PPP4R4: variants seen among roughly 807,000 people sequenced by gnomAD.
PPP4R4 encodes the protein protein phosphatase 4 regulatory subunit 4.
PPP4R4 carries 70 observed loss-of-function variants against 121.8 expected under a neutral mutation model. That is an observed-to-expected ratio of 0.57 (90% confidence interval 0.47 to 0.70). PPP4R4 has a LOEUF of 0.70. Among genes scored for constraint, PPP4R4 ranks in the 30% least tolerant of loss-of-function variants. The pLI is 0.00. For missense variants in PPP4R4, 875 were observed against 1,033.6 expected (o/e 0.85, Z 2.10); for synonymous variants, 348 against 355.7 (o/e 0.98, Z 0.24).
At chr14:94,203,914 A>G (rs887199404) in intron 2 of PPP4R4, among the ~76,000 whole-genome samples, 72 of 152,024 alleles carry the variant, frequency 4.7e-4, no homozygotes, top group African/African-American at 1.7e-3. Flanking sequence ...GAGTTTTGAG[A>G]GTTCTTTATA....
At chr14:94,238,123 C>T (rs566448765) in intron 8 of PPP4R4, among the ~76,000 whole-genome samples, 4 of 152,318 alleles carry the variant, frequency 2.6e-5, no homozygotes, top group African/African-American at 4.8e-5. Flanking sequence ...CCCAGTCCCA[C>T]GAGAGCTAAC....
chr14:94,277,965 T>A (rs1053547152), intron 24 of PPP4R4, among the ~76,000 whole-genome samples: 1 of 152,190 alleles, frequency 6.6e-6, no homozygotes, highest in Non-Finnish European at 1.5e-5. Context: ...CCATCTGATG[T>A]GGCACTTATA....
chr14:94,220,424 A>G (rs1891321556), intron 3 of PPP4R4, among the ~76,000 whole-genome samples: 1 of 152,190 alleles, frequency 6.6e-6, no homozygotes, highest in African/African-American at 2.4e-5. Context: ...CAACAAAAAG[A>G]AAAAGCATTC....
chr14:94,245,530 T>C, intron 12 of PPP4R4, 57 bp from the exon 13 acceptor site: 4 of 913,156 alleles, frequency 4.4e-6, no homozygotes, highest in Middle Eastern at 3.4e-4. Flanking sequence ...ACATGTAGAA[T>C]TAATCTAGCA....
Position 94,250,209 on chromosome 14 carries a change from T to C in PPP4R4, c.1649T>C (p.Leu550Pro). Residue 550 changes from leucine to proline, a missense_variant, in exon 15 of 25, where the codon CTA becomes CCA. Physicochemically the swap from Leu to Pro is moderately conservative, Grantham distance 98. Transcript: ENST00000304338. ...GTCCAAAAGGCGGCTTCACGAACTC[T>C]ATGCATTTTTCTGCGTTATAATCGT... ...LPVQKAASRT[L>P]CIFLRYNRKQ... is the part of the protein sequence containing the mutation. 6.2e-7 allele frequency: 1 copy of C among 1,612,686 alleles called. No homozygotes were observed. Among genetic ancestry groups the C allele is most frequent in the Non-Finnish European group, 8.5e-7 (1 of 1,178,956 alleles).
At chr14:94,226,130 T>C (rs1891683937) in intron 3 of PPP4R4, among the ~76,000 whole-genome samples, 1 of 152,194 alleles carries the variant, frequency 6.6e-6, no homozygotes, top group Non-Finnish European at 1.5e-5. Context: ...TTCTAATTTA[T>C]TACGTTTAAA....
chr14:94,235,163 T>G (rs1281672668), intron 7 of PPP4R4, among the ~76,000 whole-genome samples: 1 of 152,146 alleles, frequency 6.6e-6, no homozygotes, highest in Non-Finnish European at 1.5e-5. Flanking sequence ...ATAAATGCTA[T>G]GTAAATAGTT....
At chr14:94,223,209 T>G (rs1305506796) in intron 3 of PPP4R4, among the ~76,000 whole-genome samples, 1 of 152,250 alleles carries the variant, frequency 6.6e-6, no homozygotes, top group African/African-American at 2.4e-5. Flanking sequence ...GTATTGTTTC[T>G]GCTTATTATC....
chr14:94,272,876 G>A (rs1894411486), intron 23 of PPP4R4, among the ~76,000 whole-genome samples: 1 of 152,066 alleles, frequency 6.6e-6, no homozygotes, highest in Non-Finnish European at 1.5e-5. Flanking sequence ...TATATAGATG[G>A]AAAACAAGCA....
At chr14:94,227,331 CAT>C (rs761281912) in intron 3 of PPP4R4, 1 of 1,612,572 alleles carries the variant, frequency 6.2e-7, no homozygotes, top group South Asian at 1.1e-5. Context: ...ATGGATCTCA[CAT>C]ATGTTTGTCC....
chr14:94,191,875 G>T (rs1213633387), intron 2 of PPP4R4, among the ~76,000 whole-genome samples: 3 of 152,112 alleles, frequency 2.0e-5, no homozygotes, highest in Non-Finnish European at 4.4e-5. Context: ...CAGTTCTTAT[G>T]ATGGGACTAT....
intron 10 of PPP4R4, 117 bp from the exon 11 acceptor site, chr14:94,242,172 A>C: frequency 7.6e-7 from 1 of 1,319,434 alleles, no homozygotes; most frequent in Middle Eastern, 1.9e-4. Flanking sequence ...TATGATTTTT[A>C]GTTAAATTAC....
At chr14:94,183,360 A>G (rs551031988) in intron 2 of PPP4R4, among the ~76,000 whole-genome samples, 26 of 152,328 alleles carry the variant, frequency 1.7e-4, no homozygotes, top group African/African-American at 6.0e-4. Flanking sequence ...TTTTTAGGAC[A>G]GAGGGATCAC....
intron 24 of PPP4R4, among the ~76,000 whole-genome samples, chr14:94,278,077 T>C (rs1188628330): frequency 1.3e-5 from 2 of 152,180 alleles, no homozygotes; most frequent in African/African-American, 4.8e-5. Context: ...AAACAGGCCA[T>C]ATCCAAGTGA....
chr14:94,208,630 G>A (rs1890586475), intron 3 of PPP4R4, 64 bp downstream of exon 3: 5 of 1,352,298 alleles, frequency 3.7e-6, no homozygotes, highest in Non-Finnish European at 5.2e-6. Flanking sequence ...TGTCATTGTT[G>A]AAAGGATTTT....
chr14:94,214,529 A>G (rs1890919565), intron 3 of PPP4R4, among the ~76,000 whole-genome samples: 1 of 151,600 alleles, frequency 6.6e-6, no homozygotes, highest in Non-Finnish European at 1.5e-5. Context: ...CAGAAAAAAA[A>G]AGAAAGAAAT....
chr14:94,240,810 A>T lies in PPP4R4; in HGVS notation c.976+15A>T. The T allele has an allele frequency of 6.7e-7, 1 of 1,492,784 alleles. No individual in the cohort carries two copies. The allele number at this position is 1,492,784 out of a possible 1,614,324, so 92.5% of individuals were successfully genotyped here. ...TGGACTATATGGTATGATATATCCT[A>T]AGAATTTTGAGACTGTAGATAATTT... On this transcript the variant is annotated intron_variant, in intron 9 of 24. Transcript: ENST00000304338.
rs749988831 is a variant in PPP4R4, at chr14:94,259,275, T to C, written c.2053-20T>C. ...AACTCATCACTAATGTTTCACAATT[T>C]CATTTTAAACTTTAAACAGTTTCAG... is the stretch of plus-strand genomic sequence containing the variant. On this transcript the variant is annotated intron_variant, in intron 18 of 24. Coordinates refer to ENST00000304338, the MANE Select transcript of PPP4R4 (RefSeq NM_058237.2). 1.3e-6 allele frequency: 2 copies of C among 1,592,706 alleles called. No homozygotes were observed. The highest frequency in any genetic ancestry group is 1.7e-6 in the Non-Finnish European group (2 of 1,170,784).
At chr14:94,235,388 C>CTTTTTT (rs34881107) in intron 7 of PPP4R4, among the ~76,000 whole-genome samples, 85 of 50,810 alleles carry the variant, frequency 1.7e-3, no homozygotes, top group East Asian at 2.3e-3. Flanking sequence ...TCTCCTTGTT[C>CTTTTTT]TTTTTTTTTT....
Sources: allele counts gnomAD v4.1 joint callset (sites outside exome capture counted in the v4.1 genomes callset), GRCh38; gene constraint gnomAD v4.1.1; transcripts MANE v1.5; gene names NCBI Gene and HGNC (gene_info 2026-07-23, HGNC 2026-07-21).